Variants in CDK8 observed in about 807,000 individuals in gnomAD.
CDK8 encodes the protein cyclin-dependent kinase 8.
A neutral mutation model predicts 71.5 loss-of-function variants in CDK8; 29 were observed. The ratio of observed to expected loss-of-function variants is 0.41; its 90% CI spans 0.30 to 0.55. CDK8 has a LOEUF of 0.55. Among genes scored for constraint, CDK8 ranks in the 20% least tolerant of loss-of-function variants. CDK8 has a pLI of 0.37. For missense variants in CDK8, 288 were observed against 572.6 expected, an observed-to-expected ratio of 0.50 and a Z score of 5.07; for synonymous variants, 161 against 192.1, an observed-to-expected ratio of 0.84 and a Z score of 1.34.
intron 1 of CDK8, among the ~76,000 whole-genome samples, chr13:26,264,981 A>G (rs548840482): frequency 1.1e-4 from 16 of 152,236 alleles, no homozygotes; most frequent in Non-Finnish European, 2.4e-4. Context: ...TAATCTGCTG[A>G]TGGACACTTA....
At chr13:26,347,690 G>A (rs1050070061) in intron 2 of CDK8, among the ~76,000 whole-genome samples, 4 of 152,102 alleles carry the variant, frequency 2.6e-5, no homozygotes, top group Non-Finnish European at 4.4e-5. Context: ...AAAGATGTTC[G>A]ACACCATTAT....
At chr13:26,320,797 A>G (rs1160519313) in intron 1 of CDK8, among the ~76,000 whole-genome samples, 2 of 152,204 alleles carry the variant, frequency 1.3e-5, no homozygotes, top group African/African-American at 4.8e-5. Context: ...TATTAGGAAA[A>G]TACAAATCAA....
At chr13:26,302,332 G>A (rs1312127519) in intron 1 of CDK8, among the ~76,000 whole-genome samples, 1 of 152,078 alleles carries the variant, frequency 6.6e-6, no homozygotes, top group Non-Finnish European at 1.5e-5. Flanking sequence ...ACAATTCAAG[G>A]TTTCACCCAA....
chr13:26,314,958 A>G (rs185397959), intron 1 of CDK8, among the ~76,000 whole-genome samples: 1 of 151,506 alleles, frequency 6.6e-6, no homozygotes, highest in Admixed American at 6.5e-5. Context: ...AAAGCTCATC[A>G]AACATGTAGG....
chr13:26,392,839 TGA>T (rs779459568), intron 6 of CDK8, among the ~76,000 whole-genome samples: 24 of 152,148 alleles, frequency 1.6e-4, no homozygotes, highest in Non-Finnish European at 2.8e-4. Flanking sequence ...AGTGCTAACA[TGA>T]GAGGGTAATT....
chr13:26,379,357 T>C (rs1875106673), intron 4 of CDK8, among the ~76,000 whole-genome samples: 1 of 152,218 alleles, frequency 6.6e-6, no homozygotes, highest in Admixed American at 6.5e-5. Flanking sequence ...AATTATTAAC[T>C]GGAGCTTGGG....
intron 1 of CDK8, among the ~76,000 whole-genome samples, chr13:26,277,735 A>C (rs549706586): frequency 1.3e-4 from 20 of 152,342 alleles, no homozygotes; most frequent in South Asian, 1.2e-3. Context: ...AGACAGTTGG[A>C]TAGAAGCACT....
At chr13:26,264,703 A>T (rs1871945701) in intron 1 of CDK8, among the ~76,000 whole-genome samples, 1 of 151,850 alleles carries the variant, frequency 6.6e-6, no homozygotes, top group Non-Finnish European at 1.5e-5. Context: ...TGCACCCTTT[A>T]ACTCACTTCT....
intron 4 of CDK8, among the ~76,000 whole-genome samples, chr13:26,380,382 T>C (rs549740488): frequency 4.2e-4 from 64 of 152,278 alleles, no homozygotes; most frequent in South Asian, 3.7e-3. Context: ...GGTTTTATCA[T>C]GTTGTTCAGG....
intron 1 of CDK8, among the ~76,000 whole-genome samples, chr13:26,309,478 C>T (rs1345270314): frequency 2.0e-5 from 3 of 152,094 alleles, no homozygotes; most frequent in Non-Finnish European, 4.4e-5. Context: ...GAAATATTTT[C>T]TTCTTTTAGC....
rs753623415 is a variant in CDK8 at position 26,393,413 on chromosome 13, A to G, written c.693A>G (p.Glu231=). The G allele has an allele frequency of 5.0e-6, 8 of 1,612,224 alleles. No homozygotes were observed. In the African/African-American group the frequency reaches 1.1e-4, roughly 22 times the overall value. ...TATTTGCAGAACTACTAACGTCAGAACCAATATTTCACTGTCGACAAGAGG... is the reference window on the plus strand; with the variant it reads ...TATTTGCAGAACTACTAACGTCAGAGCCAATATTTCACTGTCGACAAGAGG... ...GCIFAELLTS[E]PIFHCRQEDI... Residue 231 remains glutamate, a synonymous_variant, in exon 7 of 13, where the codon GAA becomes GAG. Coordinates refer to ENST00000381527, the MANE Select transcript of CDK8 (RefSeq NM_001260.3).
chr13:26,261,270 A>G (rs1022998435), intron 1 of CDK8, among the ~76,000 whole-genome samples: 6 of 152,242 alleles, frequency 3.9e-5, no homozygotes, highest in African/African-American at 1.4e-4. Flanking sequence ...GATGTATTGT[A>G]GCAGAAAAAA....
intron 4 of CDK8, among the ~76,000 whole-genome samples, chr13:26,357,687 C>A (rs1487466355): frequency 1.3e-5 from 2 of 152,212 alleles, no homozygotes; most frequent in Non-Finnish European, 2.9e-5. Flanking sequence ...GGAATTGGCA[C>A]ATGCAGTTGT....
chr13:26,342,875 A>G (rs1873302629), intron 2 of CDK8, among the ~76,000 whole-genome samples: 2 of 152,180 alleles, frequency 1.3e-5, no homozygotes, highest in African/African-American at 4.8e-5. Context: ...ATAGTTGTGG[A>G]GGCTAGAAGC....
intron 1 of CDK8, among the ~76,000 whole-genome samples, chr13:26,320,254 A>T (rs1279542472): frequency 1.3e-5 from 2 of 148,262 alleles, no homozygotes; most frequent in Non-Finnish European, 3.0e-5. Flanking sequence ...TTTAAAAAAG[A>T]AAAAAAAAAG....
chr13:26,312,103 A>T (rs530836044), intron 1 of CDK8, among the ~76,000 whole-genome samples: 1 of 152,126 alleles, frequency 6.6e-6, no homozygotes, highest in African/African-American at 2.4e-5. Context: ...AAATGCACCA[A>T]TCAGCACTCT....
chr13:26,291,674 C>G (rs1282034645), intron 1 of CDK8, among the ~76,000 whole-genome samples: 1 of 152,098 alleles, frequency 6.6e-6, no homozygotes, highest in East Asian at 1.9e-4. Flanking sequence ...ATTATTTCTC[C>G]TATTTTTAAA....
intron 1 of CDK8, 40 bp from the exon 2 acceptor site, chr13:26,337,527 A>G: frequency 1.2e-6 from 1 of 808,496 alleles, no homozygotes; most frequent in Non-Finnish European, 1.9e-6. Context: ...GCACATAAAT[A>G]TAGATTTATC....
At chr13:26,339,791 A>G (rs1873162049) in intron 2 of CDK8, among the ~76,000 whole-genome samples, 1 of 145,862 alleles carries the variant, frequency 6.9e-6, no homozygotes, top group Non-Finnish European at 1.5e-5. Flanking sequence ...ATATATCCTG[A>G]GATATTTCTG....
Sources: gnomAD v4.1 joint callset for allele counts (sites outside exome capture counted in the v4.1 genomes callset) on GRCh38, gnomAD v4.1.1 for gene constraint, MANE v1.5 for transcripts, NCBI Gene and HGNC (gene_info 2026-07-23, HGNC 2026-07-21) for gene names.